The following ANKRD17 variants were observed in gnomAD, a reference collection of about 807,000 sequenced individuals.
ANKRD17 encodes the protein ankyrin repeat domain 17.
ANKRD17 carries 19 observed loss-of-function variants against 229.7 expected under a neutral mutation model. The observed-to-expected ratio is 0.08, with a 90% CI of 0.06 to 0.12. The LOEUF is 0.12. ANKRD17 is among the 10% of genes least tolerant of loss of function. The probability of loss-of-function intolerance (pLI) is 1.00; values close to 1 mark genes in which losing one functional copy is unlikely to be tolerated. For synonymous variants in ANKRD17, 1,112 were observed against 1,146.1 expected (o/e 0.97, Z 0.60); for missense variants, 2,176 against 3,176.8 (o/e 0.68, Z 7.57).
chr4:73,099,432 T>C (rs940789086), intron 25 of ANKRD17, among the ~76,000 whole-genome samples: 2 of 152,124 alleles, frequency 1.3e-5, no homozygotes, highest in African/African-American at 4.8e-5. Context: ...AATGCTAACA[T>C]CCCACTTAGC....
intron 1 of ANKRD17, among the ~76,000 whole-genome samples, chr4:73,215,405 G>A (rs565072679): frequency 1.1e-4 from 16 of 152,076 alleles, no homozygotes; most frequent in African/African-American, 3.4e-4. Context: ...GACTACAGGC[G>A]CATGCCACTA....
chr4:73,176,590 TGG>T (rs1225028414), intron 2 of ANKRD17, among the ~76,000 whole-genome samples: 27 of 151,768 alleles, frequency 1.8e-4, no homozygotes, highest in African/African-American at 6.5e-4. Context: ...GCAGTGGGGA[TGG>T]TTAATGAGTA....
intron 2 of ANKRD17, among the ~76,000 whole-genome samples, chr4:73,167,475 T>C (rs773451481): frequency 2.0e-5 from 3 of 152,246 alleles, no homozygotes; most frequent in Non-Finnish European, 2.9e-5. Context: ...TCTACTTCCG[T>C]GTAACATCTT....
intron 24 of ANKRD17, among the ~76,000 whole-genome samples, chr4:73,108,301 A>G (rs928857438): frequency 6.6e-5 from 10 of 152,168 alleles, no homozygotes; most frequent in African/African-American, 2.4e-4. Context: ...AAGGTATTCA[A>G]ATGGACATGT....
intron 31 of ANKRD17, among the ~76,000 whole-genome samples, chr4:73,078,149 C>T (rs577356707): frequency 2.6e-5 from 4 of 152,182 alleles, no homozygotes; most frequent in Non-Finnish European, 5.9e-5. Context: ...GAGACCGAGG[C>T]GGGCGGATCA....
intron 1 of ANKRD17, among the ~76,000 whole-genome samples, chr4:73,214,885 A>G (rs1270408209): frequency 6.6e-6 from 1 of 151,394 alleles, no homozygotes; most frequent in Non-Finnish European, 1.5e-5. Flanking sequence ...AAGAAAAGAA[A>G]AAGAAATTTT....
intron 22 of ANKRD17, among the ~76,000 whole-genome samples, chr4:73,117,568 TAC>T (rs900340682): frequency 6.6e-6 from 1 of 152,006 alleles, no homozygotes. Context: ...GAGTCAAAAA[TAC>T]AGAGTCACTG....
Position 73,090,754 on chromosome 4 carries a change from G to A in ANKRD17, c.6874C>T (p.Pro2292Ser). 2 of 1,614,158 alleles carry A rather than the reference G, an allele frequency of 1.2e-6. No homozygotes were observed. Among genetic ancestry groups the A allele is most frequent in the Non-Finnish European group, 1.7e-6 (2 of 1,180,038 alleles). The change falls in exon 29 of 34, where the codon CCA (proline) becomes TCA (serine). Residue 2292 changes from proline (P) to serine (S), a missense_variant. Transcript: ENST00000358602. The stretch of plus-strand genomic sequence containing the variant: ...GACTGATGTAAAGGATCTGAATTTG[G>A]CAAATATGAGGATTTTCCTGATAGC... ...SMLSGKSSYL[P>S]NSDPLHQSDT...
intron 10 of ANKRD17, among the ~76,000 whole-genome samples, chr4:73,145,904 G>A (rs1003787804): frequency 1.3e-5 from 2 of 151,962 alleles, no homozygotes; most frequent in African/African-American, 4.8e-5. Flanking sequence ...ACTGAAGGGG[G>A]GCTTGTTGCT....
intron 1 of ANKRD17, among the ~76,000 whole-genome samples, chr4:73,216,516 G>C (rs1197167245): frequency 6.6e-6 from 1 of 152,104 alleles, no homozygotes; most frequent in Non-Finnish European, 1.5e-5. Flanking sequence ...GAAGATGAGG[G>C]TTAAAAAAGG....
At chr4:73,225,941 G>A (rs1438835003) in intron 1 of ANKRD17, among the ~76,000 whole-genome samples, 24 of 144,650 alleles carry the variant, frequency 1.7e-4, no homozygotes, top group Non-Finnish European at 3.0e-5. Flanking sequence ...CATACCTAGA[G>A]CCAGCACTCT....
In ANKRD17 at chr4:73,139,951, G is replaced by T; in HGVS notation, c.2665C>A (p.Leu889Ile). 1 of 1,614,184 alleles carries T rather than the reference G, an allele frequency of 6.2e-7. No homozygotes were observed. The highest frequency in any genetic ancestry group is 1.1e-5 in the South Asian group (1 of 91,074). ...TGAATTCTTTGAGCTTTAACCTCTA[G>T]ATACTGCTTTTTTAGCTGCTGCTGA... ...KTQQQLKKQY[L>I]EVKAQRIQLQ... The change falls in exon 15 of 34, where the codon CTA (leucine) becomes ATA (isoleucine). Residue 889 changes from leucine to isoleucine, a missense_variant. Transcript: ENST00000358602.
intron 5 of ANKRD17, among the ~76,000 whole-genome samples, chr4:73,154,564 A>G (rs1731396540): frequency 1.3e-5 from 2 of 152,130 alleles, no homozygotes; most frequent in African/African-American, 4.8e-5. Flanking sequence ...ATATGTTTTC[A>G]TTACAACTTC....
At chr4:73,130,791 G>C (rs1382942557) in intron 16 of ANKRD17, among the ~76,000 whole-genome samples, 1 of 151,866 alleles carries the variant, frequency 6.6e-6, no homozygotes, top group African/African-American at 2.4e-5. Flanking sequence ...CTTTCTCATT[G>C]GTAGTGGCTC....
intron 20 of ANKRD17, 124 bp from the exon 21 acceptor site, chr4:73,120,461 A>C: frequency 1.2e-6 from 1 of 849,884 alleles, no homozygotes; most frequent in Non-Finnish European, 1.8e-6. Flanking sequence ...AACTAAATTT[A>C]ATCACTGACC....
chr4:73,081,292 G>A (rs1721532603), intron 30 of ANKRD17, among the ~76,000 whole-genome samples: 1 of 152,180 alleles, frequency 6.6e-6, no homozygotes, highest in Non-Finnish European at 1.5e-5. Context: ...AAGTTTAGGT[G>A]TAAAGAGAGC....
At chr4:73,133,412 CAG>C (rs1485786462) in intron 16 of ANKRD17, among the ~76,000 whole-genome samples, 4 of 113,818 alleles carry the variant, frequency 3.5e-5, no homozygotes, top group African/African-American at 1.3e-4. Context: ...TTTTTTGAGA[CAG>C]AGTTTCGCTC....
chr4:73,177,300 C>A (rs542115300), intron 2 of ANKRD17, 80 bp downstream of exon 2: 3 of 1,291,998 alleles, frequency 2.3e-6, no homozygotes, highest in Non-Finnish European at 3.1e-6. Flanking sequence ...CAATATCATT[C>A]ATTTTTAACA....
rs560831842 is a variant in ANKRD17, at chr4:73,175,778, G to A, written c.547+1602C>T. ...ATGCAGAAGAATGAAACTAGACCCC[G>A]ATCTCTCACCATATACAAAAATAGA... On this transcript the variant is annotated intron_variant, in intron 2 of 33. Transcript: ENST00000358602. 5.3e-5 allele frequency among the ~76,000 whole-genome samples: 8 copies of A among 152,084 alleles called. No individual in the cohort carries two copies. In the East Asian group the frequency reaches 5.8e-4, roughly 11 times the overall value.
Sources: gnomAD v4.1 joint callset for allele counts (sites outside exome capture counted in the v4.1 genomes callset) on GRCh38, gnomAD v4.1.1 for gene constraint, MANE v1.5 for transcripts, NCBI Gene and HGNC (gene_info 2026-07-23, HGNC 2026-07-21) for gene names.